MTCL3: variants seen among roughly 807,000 people sequenced by gnomAD.
The protein encoded by MTCL3 is MTCL family member 3, also known as microtubule cross-linking factor 3.
chr6:127,474,286 T>C, the MTCL3 span, among the ~76,000 whole-genome samples: 3 of 152,102 alleles, frequency 2.0e-5, no homozygotes, highest in African/African-American at 4.8e-5. Flanking sequence ...TTAAATTAAT[T>C]TTTTTTATTG....
At chr6:127,514,235 C>G in the MTCL3 span, among the ~76,000 whole-genome samples, 5 of 152,186 alleles carry the variant, frequency 3.3e-5, no homozygotes, top group East Asian at 9.7e-4. Flanking sequence ...TTTCATTTAC[C>G]TCACACCAAA....
the MTCL3 span, among the ~76,000 whole-genome samples, chr6:127,499,127 A>G: frequency 6.0e-4 from 91 of 152,342 alleles, no homozygotes; most frequent in African/African-American, 2.2e-3. Context: ...CAGCTAAAAA[A>G]AGAAAAAGAT....
At chr6:127,516,632 A>C in the MTCL3 span, 1 of 1,591,920 alleles carries the variant, frequency 6.3e-7, no homozygotes, top group South Asian at 1.1e-5. Context: ...AACCTACCAG[A>C]TGCGATTTGG....
At chr6:127,498,797 T>G in the MTCL3 span, among the ~76,000 whole-genome samples, 1 of 152,156 alleles carries the variant, frequency 6.6e-6, no homozygotes, top group African/African-American at 2.4e-5. Context: ...AACACTGGTC[T>G]AGGTGAAAGA....
chr6:127,516,786 CGCTT>C, the MTCL3 span: 2 of 1,148,656 alleles, frequency 1.7e-6, no homozygotes, highest in Non-Finnish European at 2.4e-6. Flanking sequence ...ATTTGGATGG[CGCTT>C]AATAGAAGCT....
At chr6:127,489,399 A>C in the MTCL3 span, among the ~76,000 whole-genome samples, 7 of 152,360 alleles carry the variant, frequency 4.6e-5, no homozygotes, top group African/African-American at 1.7e-4. Context: ...AAGAAGAGTC[A>C]TATGTCTCTC....
the MTCL3 span, among the ~76,000 whole-genome samples, chr6:127,485,963 T>C: frequency 5.9e-5 from 9 of 152,216 alleles, no homozygotes; most frequent in South Asian, 2.1e-4. Context: ...AGTAAAGATA[T>C]AGAGGAATGA....
the MTCL3 span, chr6:127,516,036 G>GGGC: frequency 1.3e-6 from 2 of 1,563,974 alleles, no homozygotes; most frequent in South Asian, 1.1e-5. Flanking sequence ...GCCAGCCCCT[G>GGGC]GGCGGCGGCG....
chr6:127,515,975 C>A, the MTCL3 span: 10 of 1,596,490 alleles, frequency 6.3e-6, no homozygotes, highest in Non-Finnish European at 8.5e-6. This position sits in a 1 kb window ranked among gnomAD's most constrained non-coding sequence, Gnocchi z 4.3. Context: ...GAAGGGGAGG[C>A]CCCCTCCCCG....
the MTCL3 span, among the ~76,000 whole-genome samples, chr6:127,514,005 C>T: frequency 3.0e-4 from 45 of 152,322 alleles, no homozygotes; most frequent in South Asian, 9.1e-3. Flanking sequence ...ACAAAGATTA[C>T]ACGTGATCTT....
At chr6:127,486,859 T>TTTTATACTGAAAACA in the MTCL3 span, among the ~76,000 whole-genome samples, 1 of 152,202 alleles carries the variant, frequency 6.6e-6, no homozygotes, top group African/African-American at 2.4e-5. Flanking sequence ...GTATGTAGCA[T>TTTTATACTGAAAACA]CTTTATGTTT....
At chr6:127,474,075 T>C in the MTCL3 span, among the ~76,000 whole-genome samples, 2 of 152,048 alleles carry the variant, frequency 1.3e-5, no homozygotes, top group Non-Finnish European at 1.5e-5. Flanking sequence ...ATAGACTCCT[T>C]CCCCAGTCCT....
chr6:127,490,298 G>A, the MTCL3 span, among the ~76,000 whole-genome samples: 1 of 152,126 alleles, frequency 6.6e-6, no homozygotes, highest in Non-Finnish European at 1.5e-5. Context: ...TCAAACAGGA[G>A]CTCTGATGGA....
At chr6:127,476,329 T>A in the MTCL3 span, 1 of 1,614,162 alleles carries the variant, frequency 6.2e-7, no homozygotes, top group Non-Finnish European at 8.5e-7. The surrounding 1 kb of genome is among the most constrained non-coding windows in gnomAD (Gnocchi z 4.4). Flanking sequence ...ACTGTCCAGA[T>A]CCCCATAAAA....
At chr6:127,506,457 A>T in the MTCL3 span, among the ~76,000 whole-genome samples, 1 of 152,208 alleles carries the variant, frequency 6.6e-6, no homozygotes, top group East Asian at 1.9e-4. Context: ...GAGCTGTTTC[A>T]TAACAATGTA....
At chr6:127,495,567 A>G in the MTCL3 span, among the ~76,000 whole-genome samples, 1 of 152,230 alleles carries the variant, frequency 6.6e-6, no homozygotes, top group Non-Finnish European at 1.5e-5. Context: ...AATATGCTTG[A>G]ATGTGCCATT....
At chr6:127,501,899 A>G in the MTCL3 span, among the ~76,000 whole-genome samples, 1 of 152,216 alleles carries the variant, frequency 6.6e-6, no homozygotes, top group South Asian at 2.1e-4. Context: ...AGTCAGGTCT[A>G]AGGTCTTCAA....
the MTCL3 span, chr6:127,476,253 T>G: frequency 6.2e-7 from 1 of 1,614,186 alleles, no homozygotes; most frequent in South Asian, 1.1e-5. This position sits in a 1 kb window ranked among gnomAD's most constrained non-coding sequence, Gnocchi z 4.4. Flanking sequence ...CCACCAGCCT[T>G]AGCCGTAGCT....
chr6:127,516,343 G>T, the MTCL3 span: 2 of 1,593,490 alleles, frequency 1.3e-6, no homozygotes, highest in African/African-American at 2.7e-5. Flanking sequence ...GCTGGCGGGC[G>T]GCCCCGTGCG....
Sources: allele counts gnomAD v4.1 joint callset (sites outside exome capture counted in the v4.1 genomes callset), GRCh38; gene constraint gnomAD v4.1.1; non-coding constraint Gnocchi (gnomAD v3.1); transcripts MANE v1.5; gene names NCBI Gene and HGNC (gene_info 2026-07-23, HGNC 2026-07-21).